Variants in ANKRD33B observed in about 807,000 individuals in gnomAD.
ANKRD33B encodes ankyrin repeat domain-containing protein 33B.
ANKRD33B carries 6 observed loss-of-function variants against 21.5 expected under a neutral mutation model. The ratio of observed to expected loss-of-function variants is 0.28; its 90% CI spans 0.15 to 0.55. ANKRD33B has a LOEUF of 0.55. Ranked by LOEUF, ANKRD33B falls within the 20% of genes least tolerant of loss-of-function variation. The pLI, the probability that ANKRD33B is intolerant of heterozygous loss-of-function variation, is 0.94. For synonymous variants in ANKRD33B, 347 were observed against 342.4 expected (o/e 1.01, Z -0.15); for missense variants, 698 against 747.2 (o/e 0.93, Z 0.77).
At chr5:10,591,474 G>T (rs933206867) in intron 1 of ANKRD33B, among the ~76,000 whole-genome samples, 2 of 152,078 alleles carry the variant, frequency 1.3e-5, no homozygotes, top group Admixed American at 1.3e-4. Context: ...CCCGCACCGA[G>T]CCTTTTTAGT....
At chr5:10,586,669 G>T (rs1489637724) in intron 1 of ANKRD33B, among the ~76,000 whole-genome samples, 2 of 152,150 alleles carry the variant, frequency 1.3e-5, no homozygotes, top group South Asian at 2.1e-4. Flanking sequence ...TTAGGAAATT[G>T]CTCTTGGTAT....
At chr5:10,572,385 C>A (rs1489000384) in intron 1 of ANKRD33B, among the ~76,000 whole-genome samples, 1 of 152,120 alleles carries the variant, frequency 6.6e-6, no homozygotes, top group East Asian at 1.9e-4. Flanking sequence ...TACTTTTCAA[C>A]AAAACCTGCC....
At chr5:10,565,725 C>A (rs1422250931) in intron 1 of ANKRD33B, among the ~76,000 whole-genome samples, 1 of 152,248 alleles carries the variant, frequency 6.6e-6, no homozygotes, top group Non-Finnish European at 1.5e-5. Context: ...CAAAGCACTT[C>A]AAGGGAAAAC....
intron 1 of ANKRD33B, among the ~76,000 whole-genome samples, chr5:10,584,141 A>G (rs757835257): frequency 1.3e-5 from 2 of 152,192 alleles, no homozygotes; most frequent in Admixed American, 6.5e-5. Context: ...ACAGAACCAC[A>G]TGACACGTGT....
At chr5:10,623,616 CTG>C (rs1190690579) in intron 2 of ANKRD33B, among the ~76,000 whole-genome samples, 1 of 152,226 alleles carries the variant, frequency 6.6e-6, no homozygotes, top group African/African-American at 2.4e-5. Flanking sequence ...AACATTCAGA[CTG>C]TGGCAGGTGG....
chr5:10,605,401 A>G (rs954881040), intron 1 of ANKRD33B, among the ~76,000 whole-genome samples: 1 of 152,224 alleles, frequency 6.6e-6, no homozygotes, highest in Non-Finnish European at 1.5e-5. Flanking sequence ...AGTACAGGGT[A>G]TGGAATGAAT....
Position 10,654,766 on chromosome 5 carries a change from G to T in ANKRD33B, c.*4653G>T, listed in dbSNP as rs778087128. The T allele has an allele frequency of 9.2e-5, 14 of 152,436 alleles. No individual in the cohort carries two copies. Among genetic ancestry groups the T allele is most frequent in the Non-Finnish European group, 2.1e-4 (14 of 68,054 alleles). 9.4% of individuals were successfully genotyped at this position (152,436 alleles called of 1,614,324 possible). A position where few individuals can be genotyped will look rare whatever the true frequency, so the allele number is the denominator to read the frequency against. On this transcript the variant is annotated 3_prime_UTR_variant, in exon 4 of 4. Transcript: ENST00000296657. The stretch of plus-strand genomic sequence containing the variant: ...CTCGCTCTTCCCTCCAGAACCGGCC[G>T]CTCCCGGTCTGACGTTGGAGCACGT...
At chr5:10,601,842 T>C (rs1262219971) in intron 1 of ANKRD33B, among the ~76,000 whole-genome samples, 1 of 152,200 alleles carries the variant, frequency 6.6e-6, no homozygotes, top group African/African-American at 2.4e-5. Context: ...GCCCTTCTCC[T>C]TTGACCACTC....
intron 2 of ANKRD33B, among the ~76,000 whole-genome samples, chr5:10,622,245 C>T (rs902522324): frequency 1.3e-5 from 2 of 152,174 alleles, no homozygotes; most frequent in African/African-American, 4.8e-5. Context: ...CTGGACAGCA[C>T]CCAGAACCCC....
chr5:10,566,106 A>G (rs1167879007), intron 1 of ANKRD33B, among the ~76,000 whole-genome samples: 1 of 152,170 alleles, frequency 6.6e-6, no homozygotes, highest in Non-Finnish European at 1.5e-5. Flanking sequence ...GGAATTCAAG[A>G]TGAGATTTGG....
Position 10,649,722 on chromosome 5 carries a change from C to T in ANKRD33B, c.1094C>T (p.Ala365Val), listed in dbSNP as rs753983099. 10 of 1,493,396 alleles carry T rather than the reference C, an allele frequency of 6.7e-6. No homozygotes were observed. Among genetic ancestry groups the T allele is most frequent in the African/African-American group, 4.2e-5 (3 of 70,804 alleles). 92.5% of individuals were successfully genotyped at this position (1,493,396 alleles called of 1,614,324 possible). The change falls in exon 4 of 4, where the codon GCG (alanine) becomes GTG (valine). Residue 365 changes from alanine (A) to valine (V), a missense_variant. Physicochemically the swap from Ala to Val is moderately conservative, Grantham distance 64. Transcript: ENST00000296657. ...CAGGAGGAGGATGAGGTGGGGGGCG[C>T]GGGGCAGCGCGGGCGGACCGGACAG... is the stretch of plus-strand genomic sequence containing the variant. ...QAQEEDEVGG[A>V]GQRGRTGQED...
chr5:10,571,957 C>T (rs1466287118), intron 1 of ANKRD33B, among the ~76,000 whole-genome samples: 4 of 150,548 alleles, frequency 2.7e-5, no homozygotes, highest in South Asian at 2.1e-4. Context: ...GGCGCAATCT[C>T]GGCTCACTGC....
At chr5:10,599,047 T>C (rs1579725439) in intron 1 of ANKRD33B, among the ~76,000 whole-genome samples, 1 of 152,356 alleles carries the variant, frequency 6.6e-6, no homozygotes, top group African/African-American at 2.4e-5. Flanking sequence ...GTAAGTTTCC[T>C]CTTGCTCCTT....
Position 10,564,391 on chromosome 5 carries a change from G to A in ANKRD33B, c.-77G>A, listed in dbSNP as rs1282655588. ...CTCTGGGGACGCAGAAGCGAGAAGCGGGGACCTCGGCGCGCGCCCCGCGTC... is the reference window on the plus strand; with the variant it reads ...CTCTGGGGACGCAGAAGCGAGAAGCAGGGACCTCGGCGCGCGCCCCGCGTC... On this transcript the variant is annotated 5_prime_UTR_variant, in exon 1 of 4. Coordinates refer to ENST00000296657, the MANE Select transcript of ANKRD33B (RefSeq NM_001164440.2). 3 of 954,540 alleles carry A rather than the reference G, an allele frequency of 3.1e-6. No individual in the cohort carries two copies. Among genetic ancestry groups the A allele is most frequent in the Non-Finnish European group, 3.8e-6 (3 of 796,378 alleles). 59.1% of individuals were successfully genotyped at this position (954,540 alleles called of 1,614,324 possible).
At chr5:10,573,176 T>C (rs1735238172) in intron 1 of ANKRD33B, among the ~76,000 whole-genome samples, 1 of 152,184 alleles carries the variant, frequency 6.6e-6, no homozygotes. Context: ...CATTTAAAAA[T>C]AATCTCTTCC....
intron 1 of ANKRD33B, among the ~76,000 whole-genome samples, chr5:10,567,397 T>G (rs1579705542): frequency 6.6e-6 from 1 of 152,356 alleles, no homozygotes; most frequent in East Asian, 1.9e-4. Context: ...CAAAACTGAA[T>G]CTGGCAGTCC....
At position 10,578,775 on chromosome 5, in the gene ANKRD33B, A is replaced by G. The variant is rs556715961; in HGVS notation, c.366+13942A>G. On this transcript the variant is annotated intron_variant, in intron 1 of 3. Transcript: ENST00000296657. ...TTGTTTATGAGGCACAAGTATATTG[A>G]GTTAATTTTGAAAAACCCCAAACCT... Among the ~76,000 whole-genome samples the G allele has an allele frequency of 2.0e-5, 3 of 152,288 alleles. No homozygotes were observed. The East Asian group carries it at 5.8e-4, about 29-fold the overall frequency.
At chr5:10,607,050 G>T (rs1736060939) in intron 1 of ANKRD33B, among the ~76,000 whole-genome samples, 1 of 152,078 alleles carries the variant, frequency 6.6e-6, no homozygotes, top group Non-Finnish European at 1.5e-5. Context: ...AGTACATTTT[G>T]TGCCCAATCA....
chr5:10,634,984 C>T lies in ANKRD33B; in HGVS notation c.497-3044C>T, dbSNP rs141916319. On this transcript the variant is annotated intron_variant, in intron 2 of 3. Coordinates refer to ENST00000296657, the MANE Select transcript of ANKRD33B (RefSeq NM_001164440.2). Reference sequence around the variant, plus strand: ...ATTATTCTGCCATCCTGGGAAAACCCGTGGGAAGCAGGGCGTGATTTCTTG... The same window carrying T: ...ATTATTCTGCCATCCTGGGAAAACCTGTGGGAAGCAGGGCGTGATTTCTTG... Among the ~76,000 whole-genome samples, 12 of 151,540 alleles carry T rather than the reference C, an allele frequency of 7.9e-5. 1 individual carries two copies. The highest frequency in any genetic ancestry group is 2.2e-4 in the African/African-American group (9 of 41,290).
Sources: allele counts gnomAD v4.1 joint callset (sites outside exome capture counted in the v4.1 genomes callset), GRCh38; gene constraint gnomAD v4.1.1; transcripts MANE v1.5; gene names NCBI Gene and HGNC (gene_info 2026-07-23, HGNC 2026-07-21).